Variants in CDK14 observed in about 807,000 individuals in gnomAD.
The protein encoded by CDK14 is cyclin-dependent kinase 14.
In CDK14, 34 loss-of-function variants were observed where a neutral mutation model predicts 60.7. The ratio of observed to expected loss-of-function variants is 0.56; its 90% CI spans 0.43 to 0.75. The LOEUF (loss-of-function observed/expected upper bound fraction) is 0.75, where lower values mean the gene tolerates loss of function less well. CDK14 is among the 30% of genes least tolerant of loss of function. CDK14 has a pLI of 0.00. For synonymous variants in CDK14, 197 were observed against 203.7 expected, an observed-to-expected ratio of 0.97 and a Z score of 0.28; for missense variants, 482 against 564.1, an observed-to-expected ratio of 0.85 and a Z score of 1.47.
intron 2 of CDK14, among the ~76,000 whole-genome samples, chr7:90,676,842 C>T (rs907928306): frequency 8.5e-5 from 13 of 152,062 alleles, no homozygotes; most frequent in Non-Finnish European, 1.9e-4. Flanking sequence ...GGCTCAGTCC[C>T]AGATGTTTCA....
At chr7:90,790,113 TGAGA>T (rs1269640542) in intron 4 of CDK14, among the ~76,000 whole-genome samples, 4 of 150,384 alleles carry the variant, frequency 2.7e-5, no homozygotes, top group Non-Finnish European at 4.4e-5. Flanking sequence ...TTTTTTTTTT[TGAGA>T]GAGAGAGAAG....
intron 8 of CDK14, among the ~76,000 whole-genome samples, chr7:90,955,411 C>T (rs1794381745): frequency 6.6e-6 from 1 of 152,090 alleles, no homozygotes; most frequent in Non-Finnish European, 1.5e-5. Flanking sequence ...TTCTAAGCTC[C>T]TGTGTTATGA....
At chr7:90,721,916 A>G (rs1802469476) in intron 2 of CDK14, among the ~76,000 whole-genome samples, 1 of 152,128 alleles carries the variant, frequency 6.6e-6, no homozygotes, top group African/African-American at 2.4e-5. Context: ...GGTGGGAAGC[A>G]TTTATTCAGA....
At chr7:91,049,113 C>A (rs1179893764) in intron 11 of CDK14, among the ~76,000 whole-genome samples, 1 of 151,942 alleles carries the variant, frequency 6.6e-6, no homozygotes, top group African/African-American at 2.4e-5. Flanking sequence ...GAACTCTGGG[C>A]TCAAGCAGTC....
At chr7:90,684,820 C>G (rs970234146) in intron 2 of CDK14, among the ~76,000 whole-genome samples, 7 of 152,072 alleles carry the variant, frequency 4.6e-5, no homozygotes, top group South Asian at 2.1e-4. Flanking sequence ...CATCTACCCA[C>G]CCATGTATCT....
intron 3 of CDK14, among the ~76,000 whole-genome samples, chr7:90,736,596 C>G (rs1803124791): frequency 6.6e-6 from 1 of 151,580 alleles, no homozygotes; most frequent in Non-Finnish European, 1.5e-5. Context: ...AAAGGAAGAC[C>G]CTGTTTCCTT....
intron 8 of CDK14, among the ~76,000 whole-genome samples, chr7:90,943,316 T>C (rs1006704373): frequency 2.6e-5 from 4 of 152,282 alleles, no homozygotes; most frequent in Middle Eastern, 3.4e-3. Context: ...ATCCTTGCTC[T>C]TAGGGAGTAT....
At chr7:90,818,411 G>A (rs1181580449) in intron 5 of CDK14, among the ~76,000 whole-genome samples, 3 of 152,178 alleles carry the variant, frequency 2.0e-5, no homozygotes, top group African/African-American at 7.2e-5. Flanking sequence ...AAACATGAAA[G>A]TTCAACTGCC....
At chr7:90,972,065 T>C (rs1427000019) in intron 9 of CDK14, among the ~76,000 whole-genome samples, 1 of 152,238 alleles carries the variant, frequency 6.6e-6, no homozygotes, top group African/African-American at 2.4e-5. Context: ...TTCTTAGAGA[T>C]ATAATTTTGT....
intron 10 of CDK14, among the ~76,000 whole-genome samples, chr7:91,014,775 A>G (rs756862252): frequency 6.6e-6 from 1 of 152,210 alleles, no homozygotes; most frequent in Non-Finnish European, 1.5e-5. Flanking sequence ...AAATTCCATT[A>G]TGGTGCACGC....
chr7:90,977,902 A>G (rs1043863929), intron 9 of CDK14, among the ~76,000 whole-genome samples: 3 of 152,150 alleles, frequency 2.0e-5, no homozygotes, highest in Non-Finnish European at 4.4e-5. Context: ...TAGATGTTCC[A>G]TCTAGAGGAG....
chr7:90,877,411 A>G (rs1791599841), intron 6 of CDK14, among the ~76,000 whole-genome samples: 1 of 151,886 alleles, frequency 6.6e-6, no homozygotes, highest in South Asian at 2.1e-4. Context: ...TATTTCATAA[A>G]TTGGGAACTG....
intron 5 of CDK14, among the ~76,000 whole-genome samples, chr7:90,853,989 C>G (rs958754916): frequency 6.6e-6 from 1 of 152,164 alleles, no homozygotes; most frequent in African/African-American, 2.4e-5. Context: ...TGCTGCAGAA[C>G]TACCTTGTTT....
intron 14 of CDK14, among the ~76,000 whole-genome samples, chr7:91,154,302 G>A (rs929132203): frequency 9.3e-5 from 14 of 151,026 alleles, no homozygotes; most frequent in African/African-American, 2.7e-4. Flanking sequence ...TCCTTAATAT[G>A]AATGTGCCAC....
rs866431108 is a variant in CDK14 at position 90,756,455 on chromosome 7, A to T, written c.464+8680A>T. On this transcript the variant is annotated intron_variant, in intron 4 of 14. Transcript: ENST00000380050. Reference sequence around the variant, plus strand: ...AGAAAGATTGTTCTGGACGGTTAATAGTTTTCACTCTAGTAGGTATTAATT... The same window carrying T: ...AGAAAGATTGTTCTGGACGGTTAATTGTTTTCACTCTAGTAGGTATTAATT... 2.3e-4 allele frequency among the ~76,000 whole-genome samples: 35 copies of T among 152,352 alleles called. No individual in the cohort carries two copies. In the South Asian group the frequency reaches 2.5e-3, roughly 11 times the overall value.
intron 9 of CDK14, among the ~76,000 whole-genome samples, chr7:90,962,094 A>T (rs1794618850): frequency 6.6e-6 from 1 of 152,192 alleles, no homozygotes; most frequent in Admixed American, 6.5e-5. Context: ...CAGTTCTCTC[A>T]TATTAGGTTA....
At chr7:91,148,648 A>G (rs916280977) in intron 14 of CDK14, among the ~76,000 whole-genome samples, 4 of 152,198 alleles carry the variant, frequency 2.6e-5, no homozygotes, top group African/African-American at 9.6e-5. Context: ...GATAGACAAC[A>G]ATCAGTGAGT....
At chr7:90,839,919 A>T (rs1024079857) in intron 5 of CDK14, among the ~76,000 whole-genome samples, 2 of 152,054 alleles carry the variant, frequency 1.3e-5, no homozygotes, top group African/African-American at 2.4e-5. Context: ...GCTTGCTGGG[A>T]TGTTTACTTC....
intron 8 of CDK14, among the ~76,000 whole-genome samples, chr7:90,937,966 C>T (rs1793806267): frequency 6.6e-6 from 1 of 152,128 alleles, no homozygotes; most frequent in Non-Finnish European, 1.5e-5. Flanking sequence ...ATATATGATA[C>T]TCTAAAAACC....
Sources: allele counts gnomAD v4.1 joint callset (sites outside exome capture counted in the v4.1 genomes callset), GRCh38; gene constraint gnomAD v4.1.1; transcripts MANE v1.5; gene names NCBI Gene and HGNC (gene_info 2026-07-23, HGNC 2026-07-21).